Variants in RNF150 observed in about 807,000 individuals in gnomAD.
RNF150 encodes ring finger protein 150.
RNF150 carries 24 observed loss-of-function variants against 39.3 expected under a neutral mutation model. The ratio of observed to expected loss-of-function variants is 0.61; its 90% CI spans 0.44 to 0.86. The LOEUF (loss-of-function observed/expected upper bound fraction) is 0.86, where lower values mean the gene tolerates loss of function less well. Among genes scored for constraint, RNF150 ranks in the 40% least tolerant of loss-of-function variants. The pLI is 0.00. For missense variants in RNF150, 502 were observed against 587.8 expected, an observed-to-expected ratio of 0.85 and a Z score of 1.51; for synonymous variants, 255 against 227.3, an observed-to-expected ratio of 1.12 and a Z score of -1.10.
intron 1 of RNF150, among the ~76,000 whole-genome samples, chr4:141,000,031 A>C (rs1312671722): frequency 5.6e-5 from 3 of 53,148 alleles, no homozygotes; most frequent in Admixed American, 4.5e-4. Context: ...AAGAAGAAGA[A>C]GAAGAAGAAG....
At chr4:140,938,866 G>A (rs1470301415) in intron 4 of RNF150, among the ~76,000 whole-genome samples, 2 of 152,144 alleles carry the variant, frequency 1.3e-5, no homozygotes, top group Non-Finnish European at 2.9e-5. Context: ...AATTAATAAT[G>A]AGGTCCATGT....
At chr4:140,894,356 A>G (rs1162080251) in intron 6 of RNF150, among the ~76,000 whole-genome samples, 1 of 152,162 alleles carries the variant, frequency 6.6e-6, no homozygotes, top group Non-Finnish European at 1.5e-5. Context: ...GTGTTTTATG[A>G]TGTTTTCTCT....
chr4:140,946,918 T>C (rs921692435), intron 4 of RNF150, among the ~76,000 whole-genome samples: 1 of 152,232 alleles, frequency 6.6e-6, no homozygotes, highest in African/African-American at 2.4e-5. Flanking sequence ...ACACTAAAAA[T>C]GGTTGTCAGT....
chr4:140,933,017 T>C (rs1333671698), intron 4 of RNF150, among the ~76,000 whole-genome samples: 1 of 152,246 alleles, frequency 6.6e-6, no homozygotes, highest in African/African-American at 2.4e-5. Context: ...AAGCTTCGCC[T>C]ATCCTGACTA....
At chr4:141,183,589 A>C (rs1321098415) in intron 1 of RNF150, among the ~76,000 whole-genome samples, 1 of 151,752 alleles carries the variant, frequency 6.6e-6, no homozygotes, top group Non-Finnish European at 1.5e-5. Context: ...CAGAATGTGC[A>C]GGTTTGTTAT....
chr4:140,939,158 C>T (rs2111352556), intron 4 of RNF150, among the ~76,000 whole-genome samples: 1 of 152,226 alleles, frequency 6.6e-6, no homozygotes, highest in South Asian at 2.1e-4. Flanking sequence ...GTATCTATTG[C>T]CACAATTTAT....
At chr4:140,971,617 CAT>C (rs1406730433) in intron 1 of RNF150, among the ~76,000 whole-genome samples, 1 of 152,130 alleles carries the variant, frequency 6.6e-6, no homozygotes, top group Non-Finnish European at 1.5e-5. Flanking sequence ...GACCAGGACA[CAT>C]ATGACCTGGC....
chr4:141,183,611 T>C (rs1013450380), intron 1 of RNF150, among the ~76,000 whole-genome samples: 2 of 152,148 alleles, frequency 1.3e-5, no homozygotes, highest in African/African-American at 4.8e-5. Context: ...TATGTATACA[T>C]GTGCCATGGT....
At chr4:140,895,448 T>C (rs992783943) in intron 6 of RNF150, among the ~76,000 whole-genome samples, 1 of 152,204 alleles carries the variant, frequency 6.6e-6, no homozygotes, top group Admixed American at 6.5e-5. Context: ...TTAGCCTATA[T>C]ACATTATAAG....
intron 1 of RNF150, among the ~76,000 whole-genome samples, chr4:140,996,035 T>G (rs1490416543): frequency 6.6e-6 from 1 of 152,118 alleles, no homozygotes; most frequent in Non-Finnish European, 1.5e-5. Flanking sequence ...CTATTTTTAG[T>G]TTTTTGAGGA....
chr4:141,175,700 A>G (rs940418221), intron 1 of RNF150, among the ~76,000 whole-genome samples: 7 of 152,234 alleles, frequency 4.6e-5, no homozygotes, highest in African/African-American at 7.2e-5. Context: ...TAGGGCTACT[A>G]TAACTGCGTA....
chr4:141,166,160 T>C (rs888250847), intron 1 of RNF150, among the ~76,000 whole-genome samples: 2 of 152,158 alleles, frequency 1.3e-5, no homozygotes, highest in Non-Finnish European at 2.9e-5. Flanking sequence ...CATCAGAGAA[T>C]ACTATAAACA....
At chr4:140,945,052 A>G (rs1732231179) in intron 4 of RNF150, among the ~76,000 whole-genome samples, 1 of 152,226 alleles carries the variant, frequency 6.6e-6, no homozygotes, top group East Asian at 1.9e-4. Flanking sequence ...ATCAAACAGT[A>G]ATTAATTATA....
chr4:141,078,683 A>G (rs994926993), intron 1 of RNF150, among the ~76,000 whole-genome samples: 6 of 149,366 alleles, frequency 4.0e-5, no homozygotes, highest in African/African-American at 9.9e-5. Context: ...CCAGCTACTC[A>G]GGAGGCTGAG....
At chr4:141,205,551 T>C (rs1728361543) in intron 1 of RNF150, among the ~76,000 whole-genome samples, 1 of 152,160 alleles carries the variant, frequency 6.6e-6, no homozygotes, top group Non-Finnish European at 1.5e-5. Flanking sequence ...TTGTTCCACA[T>C]CAAAGCACAA....
At chr4:141,050,309 C>T (rs1736729305) in intron 1 of RNF150, among the ~76,000 whole-genome samples, 1 of 151,972 alleles carries the variant, frequency 6.6e-6, no homozygotes, top group Non-Finnish European at 1.5e-5. Context: ...AAAAGCAAAC[C>T]ATATCATTCC....
At chr4:140,904,067 C>A (rs576052323) in intron 6 of RNF150, among the ~76,000 whole-genome samples, 1 of 152,078 alleles carries the variant, frequency 6.6e-6, no homozygotes, top group Admixed American at 6.5e-5. Flanking sequence ...TTGCCATCTG[C>A]GAAGCTTGAC....
At chr4:141,108,338 C>A (rs1441962239) in intron 1 of RNF150, among the ~76,000 whole-genome samples, 5 of 152,126 alleles carry the variant, frequency 3.3e-5, no homozygotes, top group Non-Finnish European at 5.9e-5. Flanking sequence ...GTATTCAATT[C>A]AATAAATTCC....
At chr4:141,202,904 T>G (rs1427982987) in intron 1 of RNF150, among the ~76,000 whole-genome samples, 2 of 151,728 alleles carry the variant, frequency 1.3e-5, no homozygotes, top group Non-Finnish European at 2.9e-5. Context: ...AAGAATAGAG[T>G]GGCAATAAAT....
Sources: allele counts gnomAD v4.1 joint callset (sites outside exome capture counted in the v4.1 genomes callset), GRCh38; gene constraint gnomAD v4.1.1; transcripts MANE v1.5; gene names NCBI Gene and HGNC (gene_info 2026-07-23, HGNC 2026-07-21).